Variants in RGS9 observed in about 807,000 individuals in gnomAD.
RGS9 encodes the protein regulator of G-protein signalling 9.
A neutral mutation model predicts 102.0 loss-of-function variants in RGS9; 78 were observed. The observed-to-expected ratio is 0.76, with a 90% confidence interval of 0.64 to 0.92. The LOEUF (loss-of-function observed/expected upper bound fraction) is 0.92. Ranked by LOEUF, RGS9 falls within the 40% of genes least tolerant of loss-of-function variation. RGS9 has a pLI of 0.00. For synonymous variants in RGS9, 353 were observed against 318.6 expected (o/e 1.11, Z -1.15); for missense variants, 833 against 866.1 (o/e 0.96, Z 0.48).
intron 17 of RGS9, among the ~76,000 whole-genome samples, chr17:65,210,976 G>A (rs1279329517): frequency 6.6e-6 from 1 of 152,020 alleles, no homozygotes; most frequent in African/African-American, 2.4e-5. Flanking sequence ...GTAAGAGCCA[G>A]GGGGAAAAAG....
In RGS9 at chr17:65,214,894, G is replaced by A. The variant is rs373103726; in HGVS notation, c.1407+4289G>A. ...CGCCACTCCCCATCCACCCCTGGCT[G>A]ATTTAGATGCCCCTTCTCTGGCTCT... On this transcript the variant is annotated intron_variant, in intron 17 of 18. Coordinates refer to ENST00000262406, the MANE Select transcript of RGS9 (RefSeq NM_003835.4). 1.5e-3 allele frequency among the ~76,000 whole-genome samples: 235 copies of A among 152,344 alleles called. 1 individual carries two copies. Among genetic ancestry groups the A allele is most frequent in the African/African-American group, 5.2e-3 (218 of 41,582 alleles).
At chr17:65,165,091 C>T (rs1283800109) in intron 7 of RGS9, among the ~76,000 whole-genome samples, 1 of 152,124 alleles carries the variant, frequency 6.6e-6, no homozygotes, top group Non-Finnish European at 1.5e-5. Context: ...GTAAGATGTG[C>T]CCCTCTCCCT....
intron 9 of RGS9, among the ~76,000 whole-genome samples, chr17:65,181,724 G>T (rs562099745): frequency 1.3e-5 from 2 of 152,346 alleles, no homozygotes; most frequent in South Asian, 4.1e-4. Context: ...CTGAGCCCCA[G>T]CTCTGCCACT....
At chr17:65,210,684 G>T (rs1913260101) in intron 17 of RGS9, 79 bp downstream of exon 17, 1 of 1,596,248 alleles carries the variant, frequency 6.3e-7, no homozygotes, top group Non-Finnish European at 8.5e-7. Flanking sequence ...CTGGGGGTGG[G>T]GTCATGCACT....
chr17:65,161,234 A>G (rs1910969503), intron 6 of RGS9, among the ~76,000 whole-genome samples: 1 of 152,208 alleles, frequency 6.6e-6, no homozygotes, highest in African/African-American at 2.4e-5. Context: ...CCCTTGGTTA[A>G]CAGATTTGAA....
intron 18 of RGS9, 95 bp from the exon 19 acceptor site, chr17:65,227,180 G>C: frequency 6.4e-7 from 1 of 1,560,488 alleles, no homozygotes; most frequent in Non-Finnish European, 8.8e-7. Flanking sequence ...AATGCACCTG[G>C]TATGTTCATC....
chr17:65,138,127 C>A (rs964339002), intron 1 of RGS9, among the ~76,000 whole-genome samples: 1 of 152,204 alleles, frequency 6.6e-6, no homozygotes, highest in Non-Finnish European at 1.5e-5. Flanking sequence ...AAGTCCCAAC[C>A]TTTTCGCTTC....
At chr17:65,169,506 G>T (rs759748323) in intron 8 of RGS9, among the ~76,000 whole-genome samples, 1 of 152,196 alleles carries the variant, frequency 6.6e-6, no homozygotes, top group Non-Finnish European at 1.5e-5. Flanking sequence ...ACTCTGTGGT[G>T]AGGATAAGGA....
chr17:65,182,553 A>G (rs899146810), intron 9 of RGS9, among the ~76,000 whole-genome samples: 7 of 152,246 alleles, frequency 4.6e-5, no homozygotes, highest in African/African-American at 1.4e-4. Flanking sequence ...ATGTTTTCTA[A>G]TGTCCTTATT....
Position 65,210,625 on chromosome 17 carries a change from G to A in RGS9, c.1407+20G>A, listed in dbSNP as rs375069570. 113 of 1,612,870 alleles carry A rather than the reference G, an allele frequency of 7.0e-5. No homozygotes were observed. Among genetic ancestry groups the A allele is most frequent in the Non-Finnish European group, 8.9e-5 (105 of 1,179,992 alleles). On this transcript the variant is annotated intron_variant, in intron 17 of 18. Coordinates refer to ENST00000262406, the MANE Select transcript of RGS9 (RefSeq NM_003835.4). ...ACCCAGGTCATGAGCAAGCTGGACC[G>A]CAGGAGCCAACTCCAAAAAGAGCTG...
At chr17:65,156,147 G>A (rs1027149260) in intron 2 of RGS9, among the ~76,000 whole-genome samples, 6 of 152,016 alleles carry the variant, frequency 3.9e-5, no homozygotes, top group Non-Finnish European at 5.9e-5. Flanking sequence ...CCTCAGCTCC[G>A]GAGTAGCTAG....
intron 8 of RGS9, among the ~76,000 whole-genome samples, chr17:65,169,703 G>A (rs972601636): frequency 6.6e-6 from 1 of 152,138 alleles, no homozygotes; most frequent in Non-Finnish European, 1.5e-5. Flanking sequence ...TGATCATCCG[G>A]GTTCTTCTCA....
intron 9 of RGS9, among the ~76,000 whole-genome samples, chr17:65,179,736 A>T (rs1911787637): frequency 6.6e-6 from 1 of 150,642 alleles, no homozygotes; most frequent in Non-Finnish European, 1.5e-5. Flanking sequence ...GAAGCTAAGG[A>T]GCTGAGCTGC....
intron 17 of RGS9, among the ~76,000 whole-genome samples, chr17:65,223,646 C>G (rs906340959): frequency 2.0e-5 from 3 of 152,198 alleles, no homozygotes; most frequent in African/African-American, 7.2e-5. Flanking sequence ...CTGAGCAGGG[C>G]AACTATGTGG....
At chr17:65,199,906 G>T (rs940923944) in intron 13 of RGS9, among the ~76,000 whole-genome samples, 41 of 152,132 alleles carry the variant, frequency 2.7e-4, no homozygotes, top group African/African-American at 4.8e-4. Flanking sequence ...GTAAGTTAAT[G>T]AACATTTGGG....
chr17:65,186,369 C>T (rs1912123382), intron 9 of RGS9, among the ~76,000 whole-genome samples: 1 of 151,240 alleles, frequency 6.6e-6, no homozygotes, highest in South Asian at 2.1e-4. Flanking sequence ...GTGTTCATCA[C>T]CATGCCCGGC....
At chr17:65,138,976 C>CATCCCCTCCTACATCCT (rs1910024910) in intron 1 of RGS9, among the ~76,000 whole-genome samples, 3 of 87,852 alleles carry the variant, frequency 3.4e-5, no homozygotes, top group Non-Finnish European at 5.2e-5. Context: ...TCCTCCACCC[C>CATCCCCTCCTACATCCT]AGCATCCCCT....
chr17:65,209,173 G>A (rs915320728), intron 16 of RGS9, among the ~76,000 whole-genome samples: 4 of 152,206 alleles, frequency 2.6e-5, no homozygotes, highest in Admixed American at 6.5e-5. Flanking sequence ...TTCGTAAAGT[G>A]TGAAGCCTGG....
rs191327245 is a variant in RGS9, at chr17:65,156,314, C to T, written c.155-1981C>T. Among the ~76,000 whole-genome samples, 934 of 152,334 alleles carry T rather than the reference C, an allele frequency of 6.1e-3. 25 individuals are homozygous for T. The highest frequency in any genetic ancestry group is 0.051 in the Admixed American group (783 of 15,300). On this transcript the variant is annotated intron_variant, in intron 2 of 18. Coordinates refer to ENST00000262406, the MANE Select transcript of RGS9 (RefSeq NM_003835.4). ...CCGGGATTACAGGCATGAGCCACCG[C>T]GCCCAGCCCAGAGTCCATATTCTTA...
Sources: allele counts gnomAD v4.1 joint callset (sites outside exome capture counted in the v4.1 genomes callset), GRCh38; gene constraint gnomAD v4.1.1; transcripts MANE v1.5; gene names NCBI Gene and HGNC (gene_info 2026-07-23, HGNC 2026-07-21).